Variants in FSTL4 observed in about 807,000 individuals in gnomAD.
The protein encoded by FSTL4 is follistatin like 4, also known as follistatin-related protein 4.
Under a neutral mutation model 78.2 loss-of-function variants are expected in FSTL4, and 28 were observed. The observed-to-expected ratio is 0.36, with a 90% CI of 0.27 to 0.49. The LOEUF (loss-of-function observed/expected upper bound fraction) is 0.49, where lower values mean the gene tolerates loss of function less well. Ranked by LOEUF, FSTL4 falls within the 20% of genes least tolerant of loss-of-function variation. The probability of loss-of-function intolerance (pLI) is 0.98; values close to 1 mark genes in which losing one functional copy is unlikely to be tolerated. For synonymous variants in FSTL4, 422 were observed against 440.5 expected (o/e 0.96, Z 0.53); for missense variants, 922 against 1,084.9 (o/e 0.85, Z 2.11).
intron 4 of FSTL4, among the ~76,000 whole-genome samples, chr5:133,396,279 T>C (rs1158033697): frequency 6.6e-6 from 1 of 152,258 alleles, no homozygotes; most frequent in African/African-American, 2.4e-5. Flanking sequence ...TGCCAGGTGC[T>C]GCTCCTGTCA....
chr5:133,695,155 A>G, the FSTL4 span, among the ~76,000 whole-genome samples: 2 of 152,088 alleles, frequency 1.3e-5, no homozygotes, highest in African/African-American at 2.4e-5. Context: ...AACCCTCTTT[A>G]TTAGCCACTG....
the FSTL4 span, among the ~76,000 whole-genome samples, chr5:133,665,362 C>G: frequency 6.6e-6 from 1 of 152,194 alleles, no homozygotes; most frequent in Non-Finnish European, 1.5e-5. Context: ...ATAGAAAGAA[C>G]AAGAAGGAGG....
chr5:133,656,099 C>G, the FSTL4 span, among the ~76,000 whole-genome samples: 2 of 152,080 alleles, frequency 1.3e-5, no homozygotes, highest in South Asian at 2.1e-4. Flanking sequence ...CTCCTAGAAG[C>G]AAACCTGAGA....
chr5:133,302,634 G>A (rs1753569795), intron 6 of FSTL4, among the ~76,000 whole-genome samples: 1 of 152,214 alleles, frequency 6.6e-6, no homozygotes. Context: ...ACAGCAGTGA[G>A]TAAACGGGAG....
chr5:133,753,605 T>C, the FSTL4 span, among the ~76,000 whole-genome samples: 1 of 152,164 alleles, frequency 6.6e-6, no homozygotes, highest in Non-Finnish European at 1.5e-5. Context: ...TCCAGCCAGC[T>C]GTACCACTCA....
At chr5:133,841,153 T>A in the FSTL4 span, among the ~76,000 whole-genome samples, 2 of 152,190 alleles carry the variant, frequency 1.3e-5, no homozygotes, top group Admixed American at 1.3e-4. Flanking sequence ...AGGAGGCAAT[T>A]TCTCTGACCC....
chr5:133,682,382 C>T, the FSTL4 span, among the ~76,000 whole-genome samples: 4 of 152,218 alleles, frequency 2.6e-5, no homozygotes, highest in Non-Finnish European at 5.9e-5. Context: ...TTTTACTCCT[C>T]GAACGCAGGG....
intron 4 of FSTL4, among the ~76,000 whole-genome samples, chr5:133,364,262 G>A (rs1161426409): frequency 6.6e-6 from 1 of 151,308 alleles, no homozygotes; most frequent in East Asian, 2.0e-4. Flanking sequence ...CAGACTGCTT[G>A]TAACAACTAA....
At chr5:133,453,644 T>G (rs1757424394) in intron 3 of FSTL4, among the ~76,000 whole-genome samples, 1 of 152,180 alleles carries the variant, frequency 6.6e-6, no homozygotes, top group African/African-American at 2.4e-5. Context: ...CAAGCCACCT[T>G]CTTAGAAACC....
At chr5:133,428,771 C>T (rs138617268) in intron 3 of FSTL4, among the ~76,000 whole-genome samples, 1 of 152,222 alleles carries the variant, frequency 6.6e-6, no homozygotes, top group Non-Finnish European at 1.5e-5. Flanking sequence ...CTAAACTTAA[C>T]ATGACTCTTC....
intron 3 of FSTL4, among the ~76,000 whole-genome samples, chr5:133,474,896 C>T (rs1014091187): frequency 1.3e-5 from 2 of 152,226 alleles, no homozygotes; most frequent in Non-Finnish European, 1.5e-5. Flanking sequence ...TCCCGGTGCT[C>T]CCAACACCCA....
chr5:133,809,747 T>C, the FSTL4 span, among the ~76,000 whole-genome samples: 1 of 152,140 alleles, frequency 6.6e-6, no homozygotes, highest in Non-Finnish European at 1.5e-5. Flanking sequence ...GCCAATGCCA[T>C]GCGTCCCACA....
the FSTL4 span, among the ~76,000 whole-genome samples, chr5:133,637,403 A>C: frequency 6.6e-6 from 1 of 152,054 alleles, no homozygotes; most frequent in Non-Finnish European, 1.5e-5. Flanking sequence ...AAAAATTTTG[A>C]TTGAGCATCT....
chr5:133,805,425 G>A, the FSTL4 span, among the ~76,000 whole-genome samples: 2 of 152,192 alleles, frequency 1.3e-5, no homozygotes, highest in African/African-American at 4.8e-5. Flanking sequence ...GGGTGGAGAA[G>A]AGGGAACAAA....
the FSTL4 span, among the ~76,000 whole-genome samples, chr5:133,637,280 C>T: frequency 6.6e-6 from 1 of 152,016 alleles, no homozygotes; most frequent in Non-Finnish European, 1.5e-5. Flanking sequence ...TTCATTGTCA[C>T]CACTCCACTG....
At chr5:133,794,218 A>G in the FSTL4 span, among the ~76,000 whole-genome samples, 1 of 152,248 alleles carries the variant, frequency 6.6e-6, no homozygotes, top group Non-Finnish European at 1.5e-5. Flanking sequence ...GAGGGCCAGG[A>G]TAGCTTTTAG....
intron 6 of FSTL4, among the ~76,000 whole-genome samples, chr5:133,292,248 C>T (rs1053528641): frequency 2.0e-5 from 3 of 152,210 alleles, no homozygotes; most frequent in Non-Finnish European, 2.9e-5. Context: ...TTCTCTGACC[C>T]GTGGCTCCCA....
chr5:133,395,160 C>G (rs182841310), intron 4 of FSTL4, among the ~76,000 whole-genome samples: 1 of 152,146 alleles, frequency 6.6e-6, no homozygotes, highest in African/African-American at 2.4e-5. Flanking sequence ...CTGCCCCAGC[C>G]AGCAGTGGCA....
At chr5:133,467,317 C>T (rs1757738245) in intron 3 of FSTL4, among the ~76,000 whole-genome samples, 1 of 151,588 alleles carries the variant, frequency 6.6e-6, no homozygotes, top group South Asian at 2.1e-4. Flanking sequence ...TTCCCTGGGA[C>T]AGAGGCTCAG....
Sources: allele counts gnomAD v4.1 joint callset (sites outside exome capture counted in the v4.1 genomes callset), GRCh38; gene constraint gnomAD v4.1.1; transcripts MANE v1.5; gene names NCBI Gene and HGNC (gene_info 2026-07-23, HGNC 2026-07-21).